TOX3: variants seen among roughly 807,000 people sequenced by gnomAD.
The protein encoded by TOX3 is CAG trinucleotide repeat-containing gene F9 protein.
In TOX3, 22 loss-of-function variants were observed where a neutral mutation model predicts 64.3. That is an observed-to-expected ratio of 0.34 (90% CI 0.24 to 0.49). The LOEUF is 0.49. Among genes scored for constraint, TOX3 ranks in the 20% least tolerant of loss-of-function variants. The pLI, the probability that TOX3 is intolerant of heterozygous loss-of-function variation, is 0.99. For missense variants in TOX3, 661 were observed against 714.4 expected (o/e 0.93, Z 0.85); for synonymous variants, 291 against 273.6 (o/e 1.06, Z -0.63).
chr16:52,473,300 G>C lies in TOX3; in HGVS notation c.88-4726C>G, dbSNP rs1163209350. Reference sequence around the variant, plus strand: ...GACACCCATGTGAAGAATTGTATAGGCTTCTAATAAAGCAGCATTAACTAC... The same window carrying C: ...GACACCCATGTGAAGAATTGTATAGCCTTCTAATAAAGCAGCATTAACTAC... On this transcript the variant is annotated intron_variant, in intron 1 of 6. Coordinates refer to ENST00000219746, the MANE Select transcript of TOX3 (RefSeq NM_001080430.4). 2.6e-5 allele frequency among the ~76,000 whole-genome samples: 4 copies of C among 151,866 alleles called. No homozygotes were observed. In the East Asian group the frequency reaches 7.7e-4, roughly 29 times the overall value.
At chr16:52,534,646 C>A (rs1206365198) in intron 1 of TOX3, among the ~76,000 whole-genome samples, 8 of 151,156 alleles carry the variant, frequency 5.3e-5, no homozygotes, top group Non-Finnish European at 1.2e-4. Flanking sequence ...TTAAAAAAAA[C>A]AAAAAAGAGT....
chr16:52,446,746 T>G (rs1960175850), intron 4 of TOX3, among the ~76,000 whole-genome samples: 1 of 152,064 alleles, frequency 6.6e-6, no homozygotes, highest in Non-Finnish European at 1.5e-5. Flanking sequence ...TCTCCAGAAA[T>G]TCAAATGGAA....
chr16:52,545,247 G>C (rs1226658225), intron 1 of TOX3, among the ~76,000 whole-genome samples: 2 of 152,182 alleles, frequency 1.3e-5, no homozygotes, highest in Non-Finnish European at 2.9e-5. Context: ...TCGGAGAGCA[G>C]GAACGCTCCA....
chr16:52,510,525 G>T (rs1024203770), intron 1 of TOX3, among the ~76,000 whole-genome samples: 1 of 152,040 alleles, frequency 6.6e-6, no homozygotes, highest in African/African-American at 2.4e-5. Flanking sequence ...GGAGGCCAAG[G>T]CAGGCAGATC....
chr16:52,449,228 A>G (rs758319394), intron 4 of TOX3, among the ~76,000 whole-genome samples: 6 of 152,220 alleles, frequency 3.9e-5, no homozygotes, highest in Non-Finnish European at 5.9e-5. Context: ...CAAATAATTA[A>G]TCAGCTCTCA....
chr16:52,468,384 C>T, intron 2 of TOX3, 125 bp downstream of exon 2: 1 of 734,472 alleles, frequency 1.4e-6, no homozygotes, highest in Non-Finnish European at 2.2e-6. Context: ...TTTTCTCCTC[C>T]AAAGTAGTTA....
chr16:52,459,103 C>T (rs1252358124), intron 3 of TOX3, among the ~76,000 whole-genome samples: 1 of 152,068 alleles, frequency 6.6e-6, no homozygotes, highest in Admixed American at 6.6e-5. Context: ...AGCTGGAAGC[C>T]AGGAATTCAA....
At chr16:52,544,358 G>T (rs1963132068) in intron 1 of TOX3, among the ~76,000 whole-genome samples, 1 of 152,108 alleles carries the variant, frequency 6.6e-6, no homozygotes, top group Non-Finnish European at 1.5e-5. Context: ...AAAATTATGG[G>T]AAATAAAATT....
chr16:52,504,327 C>T (rs1191387431), intron 1 of TOX3, among the ~76,000 whole-genome samples: 1 of 151,980 alleles, frequency 6.6e-6, no homozygotes, highest in Non-Finnish European at 1.5e-5. Flanking sequence ...ATTAGCCAGG[C>T]GTGGTGGTGG....
At chr16:52,453,202 T>C (rs1292249769) in intron 3 of TOX3, among the ~76,000 whole-genome samples, 1 of 151,234 alleles carries the variant, frequency 6.6e-6, no homozygotes, top group Non-Finnish European at 1.5e-5. Flanking sequence ...TTTTTTTTTT[T>C]AGATGGAGTC....
chr16:52,466,908 T>C (rs762916425), intron 2 of TOX3, among the ~76,000 whole-genome samples: 1 of 152,166 alleles, frequency 6.6e-6, no homozygotes, highest in African/African-American at 2.4e-5. Context: ...TAACCACATA[T>C]GGCATCAACA....
At chr16:52,446,275 C>CA (rs1960160434) in intron 4 of TOX3, 54 bp from the exon 5 acceptor site, 1 of 1,542,620 alleles carries the variant, frequency 6.5e-7, no homozygotes, top group African/African-American at 1.4e-5. Flanking sequence ...GAGAATGCAA[C>CA]AAGACTTAAC....
rs1345231851 is a variant in TOX3, at chr16:52,439,239, C to T, written c.1717G>A (p.Val573Ile). The T allele has an allele frequency of 6.2e-7, 1 of 1,613,766 alleles. No homozygotes were observed. The highest frequency in any genetic ancestry group is 1.3e-5 in the African/African-American group (1 of 74,882). Reference protein sequence around the residue: ...SQTQTQVLSQVSIF With the variant: ...SQTQTQVLSQISIF Reference sequence around the variant, plus strand: ...CATATGCGTCTTCAGAAAATACTGACCTGCGATAATACTTGAGTCTGTGTC... The same window carrying T: ...CATATGCGTCTTCAGAAAATACTGATCTGCGATAATACTTGAGTCTGTGTC... Residue 573 changes from valine (V) to isoleucine (I), a missense_variant, in exon 7 of 7, where the codon GTC (valine) becomes ATC (isoleucine). Coordinates refer to ENST00000219746, the MANE Select transcript of TOX3 (RefSeq NM_001080430.4).
At chr16:52,474,214 C>G (rs950494538) in intron 1 of TOX3, among the ~76,000 whole-genome samples, 2 of 152,136 alleles carry the variant, frequency 1.3e-5, no homozygotes, top group Non-Finnish European at 2.9e-5. Context: ...TTCCTTCATC[C>G]AATCATCAGG....
At chr16:52,532,444 A>T (rs1027416606) in intron 1 of TOX3, among the ~76,000 whole-genome samples, 1 of 152,246 alleles carries the variant, frequency 6.6e-6, no homozygotes, top group Non-Finnish European at 1.5e-5. Context: ...GATACATGCC[A>T]GAGAACTGAG....
intron 4 of TOX3, 89 bp downstream of exon 4, chr16:52,450,188 A>C: frequency 6.7e-7 from 1 of 1,495,754 alleles, no homozygotes; most frequent in Admixed American, 1.8e-5. Flanking sequence ...CATGAAGACA[A>C]ACAAGATAAC....
intron 1 of TOX3, among the ~76,000 whole-genome samples, chr16:52,515,510 C>T (rs990889185): frequency 6.6e-6 from 1 of 152,184 alleles, no homozygotes; most frequent in Admixed American, 6.5e-5. Flanking sequence ...CTTTGGGAAG[C>T]TGGGCGGTTT....
At chr16:52,541,770 G>A (rs1226287791) in intron 1 of TOX3, among the ~76,000 whole-genome samples, 1 of 152,176 alleles carries the variant, frequency 6.6e-6, no homozygotes, top group Non-Finnish European at 1.5e-5. Flanking sequence ...TCTCTACTGA[G>A]CACAGGGTCT....
At chr16:52,497,759 G>C (rs904260315) in intron 1 of TOX3, among the ~76,000 whole-genome samples, 1 of 152,040 alleles carries the variant, frequency 6.6e-6, no homozygotes, top group Admixed American at 6.6e-5. Flanking sequence ...TCAGGAGCTA[G>C]ATGTCCTTAC....
Sources: gnomAD v4.1 joint callset for allele counts (sites outside exome capture counted in the v4.1 genomes callset) on GRCh38, gnomAD v4.1.1 for gene constraint, MANE v1.5 for transcripts, NCBI Gene and HGNC (gene_info 2026-07-23, HGNC 2026-07-21) for gene names.